ATP6V0A1: variants seen among roughly 807,000 people sequenced by gnomAD.
ATP6V0A1 encodes V-type proton ATPase 116 kDa subunit a 1.
In ATP6V0A1, 43 loss-of-function variants were observed where a neutral mutation model predicts 105.4. That is an observed-to-expected ratio of 0.41 (90% confidence interval 0.32 to 0.53). The LOEUF is 0.53. Ranked by LOEUF, ATP6V0A1 falls within the 20% of genes least tolerant of loss-of-function variation. ATP6V0A1 has a pLI of 0.30. For missense variants in ATP6V0A1, 676 were observed against 1,051.1 expected (o/e 0.64, Z 4.93); for synonymous variants, 362 against 372.8 (o/e 0.97, Z 0.33).
chr17:42,508,591 T>C lies in ATP6V0A1; in HGVS notation c.2130+2T>C. ...TTCAAGCCTTCCGAGGACGAAGTGG[T>C]AAGATGAAAGCTGGCGTTGCCTTCG... On this transcript the variant is annotated splice_donor_variant, in intron 19 of 21. Transcript: ENST00000343619. LOFTEE classifies it high-confidence loss of function. The C allele has an allele frequency of 6.2e-7, 1 of 1,613,996 alleles. No individual in the cohort carries two copies. Among genetic ancestry groups the C allele is most frequent in the East Asian group, 2.2e-5 (1 of 44,882 alleles).
chr17:42,503,246 C>T (rs1463812712), intron 17 of ATP6V0A1, among the ~76,000 whole-genome samples: 1 of 152,194 alleles, frequency 6.6e-6, no homozygotes, highest in Non-Finnish European at 1.5e-5. Context: ...GAGAATATCT[C>T]TGTGATTCTT....
At chr17:42,480,460 GA>G in intron 7 of ATP6V0A1, 2 of 454,834 alleles carry the variant, frequency 4.4e-6, no homozygotes, top group Non-Finnish European at 7.8e-6. Context: ...AACAAATAGA[GA>G]AAGATTTTTG....
intron 2 of ATP6V0A1, among the ~76,000 whole-genome samples, chr17:42,464,529 A>G (rs1430612337): frequency 1.3e-5 from 2 of 151,818 alleles, no homozygotes; most frequent in African/African-American, 4.8e-5. Context: ...CAGCCTTCCA[A>G]GTAGCTGGGA....
chr17:42,495,250 A>G (rs2091042807), intron 13 of ATP6V0A1, 62 bp downstream of exon 13: 2 of 1,554,446 alleles, frequency 1.3e-6, no homozygotes, highest in Non-Finnish European at 8.8e-7. Context: ...CCTGATTTTT[A>G]AGACAAGTGG....
intron 7 of ATP6V0A1, among the ~76,000 whole-genome samples, chr17:42,479,452 C>A (rs1345223084): frequency 1.3e-5 from 2 of 152,204 alleles, no homozygotes; most frequent in East Asian, 1.9e-4. Context: ...ATCGTCTAAA[C>A]CTGCATTTAG....
At chr17:42,490,255 G>A (rs1349982382) in intron 10 of ATP6V0A1, among the ~76,000 whole-genome samples, 1 of 152,132 alleles carries the variant, frequency 6.6e-6, no homozygotes, top group Non-Finnish European at 1.5e-5. Flanking sequence ...GGATCTAATA[G>A]AAATCTTCCA....
intron 14 of ATP6V0A1, 62 bp from the exon 15 acceptor site, chr17:42,498,862 A>T: frequency 8.8e-7 from 1 of 1,141,046 alleles, no homozygotes; most frequent in Non-Finnish European, 1.3e-6. Flanking sequence ...TTTTAAACAG[A>T]GGAATATTTT....
intron 19 of ATP6V0A1, chr17:42,510,408 A>G (rs2092293835): frequency 6.6e-6 from 1 of 152,278 alleles, no homozygotes; most frequent in Non-Finnish European, 1.5e-5. Flanking sequence ...AAAGAGGGCA[A>G]CTGATGAACA....
At chr17:42,512,800 G>A (rs573800485) in intron 19 of ATP6V0A1, among the ~76,000 whole-genome samples, 53 of 152,326 alleles carry the variant, frequency 3.5e-4, no homozygotes, top group South Asian at 1.9e-3. Context: ...AAGGAACTGC[G>A]GTGAAAAATA....
rs542371221 is a variant in ATP6V0A1 at position 42,515,308 on chromosome 17, T to C, written c.2420+848T>C. On this transcript the variant is annotated intron_variant, in intron 21 of 21. Transcript: ENST00000343619. ...ATGGTAAAACCCCGTCTCTACTAAA[T>C]ATACAAAAATTAGCCAGGTGTGGTG... Among the ~76,000 whole-genome samples, 713 of 142,220 alleles carry C rather than the reference T, an allele frequency of 5.0e-3. 3 individuals carry two copies. The highest frequency in any genetic ancestry group is 0.017 in the African/African-American group (650 of 37,898). The allele number at this position is 142,220 out of a possible 152,430, so 93.3% of individuals were successfully genotyped here.
At position 42,500,811 on chromosome 17, in the gene ATP6V0A1, C is replaced by T. The variant is rs112081952; in HGVS notation, c.1784C>T (p.Thr595Met). The T allele has an allele frequency of 4.9e-4, 787 of 1,613,590 alleles. No individual in the cohort carries two copies. The highest frequency in any genetic ancestry group is 6.2e-4 in the Non-Finnish European group (735 of 1,179,656). The change falls in exon 16 of 22, where the codon ACG (threonine) becomes ATG (methionine). Residue 595 changes from threonine (T) to methionine (M), a missense_variant. Transcript: ENST00000343619. ...GTTATCCTTATTTTTTACAAGTGGA[C>T]GGCCTATGATGCTCATACCTCTGAG... ...YLVILIFYKWTAYDAHTSENA... is the reference protein window; with the variant it reads ...YLVILIFYKWMAYDAHTSENA...
At chr17:42,493,313 T>C (rs1390774661) in intron 11 of ATP6V0A1, among the ~76,000 whole-genome samples, 1 of 152,198 alleles carries the variant, frequency 6.6e-6, no homozygotes, top group African/African-American at 2.4e-5. Context: ...GAAGAACTGC[T>C]TTGCTCTGGG....
rs997693803 is a variant in ATP6V0A1 at position 42,489,188 on chromosome 17, TC to T, written c.1024-1297del. ...TCCACCTCCCTGCTTCAAGTGATTC[TC>T]CTGCCTCAGCCTCCTGAGTAGCTGG... On this transcript the variant is annotated intron_variant, in intron 10 of 21. Coordinates refer to ENST00000343619, the MANE Select transcript of ATP6V0A1 (RefSeq NM_001130021.3). Among the ~76,000 whole-genome samples, 26 of 150,616 alleles carry T rather than the reference TC, an allele frequency of 1.7e-4. 1 individual carries two copies. The highest frequency in any genetic ancestry group is 6.3e-4 in the African/African-American group (26 of 41,182).
At chr17:42,469,114 C>G (rs1446381144) in intron 4 of ATP6V0A1, among the ~76,000 whole-genome samples, 1 of 152,078 alleles carries the variant, frequency 6.6e-6, no homozygotes, top group East Asian at 1.9e-4. Context: ...TCCCAAAGTA[C>G]TGGGATTACA....
intron 11 of ATP6V0A1, 78 bp downstream of exon 11, chr17:42,490,715 GTCTCC>G: frequency 1.4e-6 from 2 of 1,447,980 alleles, no homozygotes; most frequent in Non-Finnish European, 1.9e-6. Context: ...TTGAGACAGA[GTCTCC>G]CTCTGTCACC....
chr17:42,513,722 C>T (rs2092465439), intron 19 of ATP6V0A1, 139 bp from the exon 20 acceptor site: 4 of 806,464 alleles, frequency 5.0e-6, no homozygotes, highest in South Asian at 1.6e-5. Context: ...TCTGGCCCCT[C>T]CAGAGTTGAG....
intron 15 of ATP6V0A1, among the ~76,000 whole-genome samples, chr17:42,499,778 A>G (rs1053233419): frequency 6.6e-6 from 1 of 150,734 alleles, no homozygotes; most frequent in Admixed American, 6.6e-5. Flanking sequence ...ACAGAGCAAG[A>G]CTCCATCTCA....
At chr17:42,491,672 G>A (rs186768151) in intron 11 of ATP6V0A1, among the ~76,000 whole-genome samples, 53 of 152,100 alleles carry the variant, frequency 3.5e-4, no homozygotes, top group South Asian at 8.3e-4. Flanking sequence ...TAGTCGAGAC[G>A]GGGTTTCACC....
chr17:42,511,648 TG>T, intron 19 of ATP6V0A1: 1 of 152,376 alleles, frequency 6.6e-6, no homozygotes, highest in East Asian at 1.9e-4. Flanking sequence ...TGCAGGAGCA[TG>T]GACAAGGGCA....
Sources: allele counts gnomAD v4.1 joint callset (sites outside exome capture counted in the v4.1 genomes callset), GRCh38; gene constraint gnomAD v4.1.1; transcripts MANE v1.5; gene names NCBI Gene and HGNC (gene_info 2026-07-23, HGNC 2026-07-21).